Variants in ADA observed in about 807,000 individuals in gnomAD.
ADA encodes the protein adenosine aminohydrolase.
ADA carries 45 observed loss-of-function variants against 49.0 expected under a neutral mutation model. The ratio of observed to expected loss-of-function variants is 0.92; its 90% CI spans 0.72 to 1.18. The LOEUF (loss-of-function observed/expected upper bound fraction) is 1.18. ADA is among the 50% of genes most tolerant of loss of function. The pLI is 0.00. For missense variants in ADA, 445 were observed against 472.5 expected (o/e 0.94, Z 0.54); for synonymous variants, 173 against 184.2 (o/e 0.94, Z 0.49).
chr20:44,623,691 T>C (rs244077), intron 6 of ADA, among the ~76,000 whole-genome samples: 386 of 150,120 alleles, frequency 2.6e-3, no homozygotes, highest in African/African-American at 8.6e-3. Flanking sequence ...CCTCCCTCCC[T>C]TCCTCTTTTT....
intron 6 of ADA, chr20:44,623,930 C>T (rs1238788889): frequency 1.1e-5 from 5 of 472,446 alleles, no homozygotes; most frequent in African/African-American, 2.0e-5. Flanking sequence ...TTTGTATTTG[C>T]AGAGATGGAT....
rs149744012 is a variant in ADA at position 44,621,430 on chromosome 20, G to A, written c.846-283C>T. ...AGGCAGAATGGCAGCCGGTGGGGGC[G>A]TGGGGGTGGGAGCCAAGAAAGCAAC... On this transcript the variant is annotated intron_variant, in intron 9 of 11. Coordinates refer to ENST00000372874, the MANE Select transcript of ADA (RefSeq NM_000022.4). 1.8e-3 allele frequency among the ~76,000 whole-genome samples: 277 copies of A among 152,158 alleles called. 3 individuals carry two copies. The highest frequency in any genetic ancestry group is 6.5e-3 in the African/African-American group (269 of 41,490).
intron 3 of ADA, among the ~76,000 whole-genome samples, chr20:44,628,330 G>A (rs944216514): frequency 2.6e-5 from 4 of 152,160 alleles, no homozygotes; most frequent in Non-Finnish European, 4.4e-5. Flanking sequence ...TTCGAGACCA[G>A]CCTGGCAAAC....
intron 1 of ADA, among the ~76,000 whole-genome samples, chr20:44,642,876 G>A (rs539435450): frequency 3.9e-5 from 6 of 152,332 alleles, no homozygotes; most frequent in African/African-American, 1.4e-4. Flanking sequence ...AGGGGTTCAG[G>A]GAGCTGGGCA....
At chr20:44,629,232 C>T in intron 2 of ADA, 63 bp from the exon 3 acceptor site, 1 of 1,609,464 alleles carries the variant, frequency 6.2e-7, no homozygotes, top group Non-Finnish European at 8.5e-7. Context: ...CCTGACAGGC[C>T]AGGATGGAGC....
intron 1 of ADA, among the ~76,000 whole-genome samples, chr20:44,645,200 G>T (rs1030976280): frequency 1.3e-5 from 2 of 151,846 alleles, no homozygotes; most frequent in African/African-American, 2.4e-5. Context: ...TCTTCACAGA[G>T]GTGGAAGGGA....
At chr20:44,629,301 G>T in intron 2 of ADA, 132 bp from the exon 3 acceptor site, 1 of 1,346,828 alleles carries the variant, frequency 7.4e-7, no homozygotes, top group East Asian at 2.4e-5. Flanking sequence ...GCGTCTCTCA[G>T]TCCAGCTGCT....
At chr20:44,625,736 G>A (rs1202781871) in intron 4 of ADA, 52 bp from the exon 5 acceptor site, 20 of 1,422,306 alleles carry the variant, frequency 1.4e-5, no homozygotes, top group Non-Finnish European at 1.9e-5. Context: ...AAGGCCTAAA[G>A]GGCAGCTCTG....
At chr20:44,634,600 A>G (rs1568850332) in intron 2 of ADA, among the ~76,000 whole-genome samples, 1 of 152,248 alleles carries the variant, frequency 6.6e-6, no homozygotes, top group Non-Finnish European at 1.5e-5. Flanking sequence ...AACCCGGGTA[A>G]CGCACTTAAA....
chr20:44,623,192 C>T, intron 6 of ADA, 114 bp from the exon 7 acceptor site: 1 of 1,488,432 alleles, frequency 6.7e-7, no homozygotes, highest in Non-Finnish European at 9.1e-7. Flanking sequence ...GCTTCAACAG[C>T]ATGGGGAAAC....
intron 1 of ADA, among the ~76,000 whole-genome samples, chr20:44,637,807 C>G (rs573713184): frequency 1.3e-5 from 2 of 152,148 alleles, no homozygotes; most frequent in Non-Finnish European, 2.9e-5. Flanking sequence ...GGGGACAGAG[C>G]GGTCTTCACA....
In ADA at chr20:44,629,069, C is replaced by A. The variant is rs2065408643; in HGVS notation, c.196G>T (p.Asp66Tyr). The change falls in exon 3 of 12, where the codon GAC becomes TAC. Residue 66 changes from aspartate to tyrosine, a missense_variant. Transcript: ENST00000372874. ...LTLPDFLAKF[D>Y]YYMPAIAGCR... ...CACGCGATAGCAGGCATGTAGTAGT[C>A]AAACTTGGCCAGGAAGTCTGGAAGG... 1 of 1,614,204 alleles carries A rather than the reference C, an allele frequency of 6.2e-7. No homozygotes were observed. Among genetic ancestry groups the A allele is most frequent in the Non-Finnish European group, 8.5e-7 (1 of 1,180,044 alleles).
At chr20:44,621,464 C>T (rs2065331207) in intron 9 of ADA, among the ~76,000 whole-genome samples, 1 of 152,106 alleles carries the variant, frequency 6.6e-6, no homozygotes, top group East Asian at 1.9e-4. Flanking sequence ...ACATCCCCCT[C>T]CGGCTGCCAC....
intron 1 of ADA, among the ~76,000 whole-genome samples, chr20:44,647,048 C>T (rs58129186): frequency 0.054 from 8,205 of 152,076 alleles, 806 homozygotes; most frequent in African/African-American, 0.19. Context: ...GACAGCGCCT[C>T]GTGCAGAGTA....
intron 3 of ADA, among the ~76,000 whole-genome samples, chr20:44,627,208 A>T (rs1302397338): frequency 6.7e-6 from 1 of 149,704 alleles, no homozygotes; most frequent in Non-Finnish European, 1.5e-5. Flanking sequence ...TTGAGACAGA[A>T]TCTTGCTCTG....
At chr20:44,647,268 C>G (rs2065601044) in intron 1 of ADA, among the ~76,000 whole-genome samples, 1 of 151,800 alleles carries the variant, frequency 6.6e-6, no homozygotes, top group Non-Finnish European at 1.5e-5. Context: ...AACCCCGTCT[C>G]TACTAAAAAT....
chr20:44,624,173 G>C (rs1034177785), intron 6 of ADA, 29 bp downstream of exon 6: 1 of 1,591,896 alleles, frequency 6.3e-7, no homozygotes, highest in African/African-American at 1.3e-5. Context: ...CCCAGGGCCA[G>C]CCTCTCCATT....
chr20:44,647,817 T>C (rs1470472236), intron 1 of ADA, among the ~76,000 whole-genome samples: 1 of 151,972 alleles, frequency 6.6e-6, no homozygotes, highest in Non-Finnish European at 1.5e-5. Flanking sequence ...CTCCGGAGGC[T>C]GAGGCAGAAG....
chr20:44,637,491 T>C (rs1046193963), intron 1 of ADA, among the ~76,000 whole-genome samples: 2 of 152,208 alleles, frequency 1.3e-5, no homozygotes, highest in African/African-American at 4.8e-5. Flanking sequence ...CTGTTCCTGC[T>C]GTTCCTGTTC....
Sources: gnomAD v4.1 joint callset for allele counts (sites outside exome capture counted in the v4.1 genomes callset) on GRCh38, gnomAD v4.1.1 for gene constraint, MANE v1.5 for transcripts, NCBI Gene and HGNC (gene_info 2026-07-23, HGNC 2026-07-21) for gene names.